SCN3A: variants seen among roughly 807,000 people sequenced by gnomAD.
The protein encoded by SCN3A is sodium channel protein type 3 subunit alpha.
Under a neutral mutation model 187.6 loss-of-function variants are expected in SCN3A, and 60 were observed. That is an observed-to-expected ratio of 0.32 (90% CI 0.26 to 0.40). SCN3A has a LOEUF of 0.40. SCN3A is among the 10% of genes least tolerant of loss of function. SCN3A has a pLI of 1.00. For missense variants in SCN3A, 1,601 were observed against 2,428.2 expected (o/e 0.66, Z 7.16); for synonymous variants, 788 against 829.2 (o/e 0.95, Z 0.85).
intron 2 of SCN3A, among the ~76,000 whole-genome samples, chr2:165,176,880 C>G (rs181542541): frequency 2.0e-5 from 3 of 152,170 alleles, no homozygotes; most frequent in Admixed American, 2.0e-4. Context: ...TCCTGCCCCC[C>G]GCCTTTTCAT....
At chr2:165,203,100 A>G (rs1475672567) in intron 1 of SCN3A, among the ~76,000 whole-genome samples, 2 of 151,964 alleles carry the variant, frequency 1.3e-5, no homozygotes, top group Non-Finnish European at 2.9e-5. Flanking sequence ...ATATATACAG[A>G]AAAACAGCAA....
In SCN3A at chr2:165,090,155, T is replaced by G. The variant is rs1040498167; in HGVS notation, c.5998A>C (p.Lys2000Gln). Residue 2000 changes from lysine to glutamine, a missense_variant, in exon 28 of 28, where the codon AAG (lysine) becomes CAG (glutamine). By Grantham distance (53) the Lys-to-Gln change is moderately conservative. This residue lies in a region of SCN3A where 87 missense variants were observed against 89.2 expected (regional missense o/e 0.98). Transcript: ENST00000283254. The surrounding 1 kb of genome is among the most constrained non-coding windows in gnomAD (Gnocchi z 4.0). The stretch of plus-strand genomic sequence containing the variant: ...AGATAATTCTTTGTTTCTTTTTACT[T>G]TTGATTTTCTCTGACCTCTTTTCCT... Reference protein sequence around the residue: ...SKGKEVRENQK With the variant: ...SKGKEVRENQQ The G allele has an allele frequency of 6.3e-7, 1 of 1,577,430 alleles. No individual in the cohort carries two copies. Among genetic ancestry groups the G allele is most frequent in the African/African-American group, 1.3e-5 (1 of 74,572 alleles).
intron 21 of SCN3A, among the ~76,000 whole-genome samples, chr2:165,110,156 AT>A (rs1686049815): frequency 6.6e-6 from 1 of 152,112 alleles, no homozygotes; most frequent in African/African-American, 2.4e-5. Flanking sequence ...ATCTGCCTTT[AT>A]CTTATCTTTA....
At chr2:165,117,797 TAAA>T (rs1367856249) in intron 18 of SCN3A, among the ~76,000 whole-genome samples, 1 of 152,080 alleles carries the variant, frequency 6.6e-6, no homozygotes, top group African/African-American at 2.4e-5. Flanking sequence ...ATGTTAATAA[TAAA>T]AAAGTAATTA....
intron 11 of SCN3A, among the ~76,000 whole-genome samples, chr2:165,153,987 A>ATTTTTTTTTTTTTTTTTTT (rs71393659): frequency 6.5e-5 from 6 of 92,770 alleles, no homozygotes; most frequent in African/African-American, 2.8e-4. Flanking sequence ...TATAGCAAAC[A>ATTTTTTTTTTTTTTTTTTT]TTTTTTTTTT....
At chr2:165,163,528 A>T in intron 7 of SCN3A, 90 bp downstream of exon 7, 1 of 1,421,306 alleles carries the variant, frequency 7.0e-7, no homozygotes, top group Non-Finnish European at 9.8e-7. Context: ...GAACTGTAAT[A>T]ATAAGCAACA....
At chr2:165,107,446 G>C (rs1383603824) in intron 21 of SCN3A, among the ~76,000 whole-genome samples, 1 of 152,158 alleles carries the variant, frequency 6.6e-6, no homozygotes, top group Non-Finnish European at 1.5e-5. Flanking sequence ...TATATCTAGA[G>C]AGAGAGATCA....
rs189288527 is a variant in SCN3A at position 165,092,573 on chromosome 2, G to T, written c.4537-49C>A. ...AAGGTTACTATATATATTTCATAAAGAATAATGCAGTAAAATTGTAGATAA... is the reference window on the plus strand; with the variant it reads ...AAGGTTACTATATATATTTCATAAATAATAATGCAGTAAAATTGTAGATAA... On this transcript the variant is annotated intron_variant, in intron 26 of 27. Transcript: ENST00000283254. This position sits in a 1 kb window ranked among gnomAD's most constrained non-coding sequence, Gnocchi z 4.2. 421 of 1,542,914 alleles carry T rather than the reference G, an allele frequency of 2.7e-4. 6 individuals are homozygous for T. The East Asian group carries it at 6.9e-3, about 25-fold the overall frequency.
At chr2:165,100,096 G>T (rs1329511979) in intron 22 of SCN3A, among the ~76,000 whole-genome samples, 2 of 152,194 alleles carry the variant, frequency 1.3e-5, no homozygotes, top group African/African-American at 2.4e-5. Context: ...CTGGATGCTA[G>T]TCTCAGTTCT....
intron 1 of SCN3A, among the ~76,000 whole-genome samples, chr2:165,193,513 A>G (rs1299522741): frequency 6.6e-6 from 1 of 152,080 alleles, no homozygotes; most frequent in Non-Finnish European, 1.5e-5. Context: ...CTACCCCAAC[A>G]TCAGCCATAA....
At chr2:165,113,740 G>C in intron 20 of SCN3A, 76 bp downstream of exon 20, 1 of 1,469,256 alleles carries the variant, frequency 6.8e-7, no homozygotes, top group South Asian at 1.1e-5. Context: ...CTGAAGCTCA[G>C]TGTTTGCATC....
intron 9 of SCN3A, among the ~76,000 whole-genome samples, chr2:165,161,959 T>C (rs1689423880): frequency 1.3e-5 from 2 of 152,190 alleles, no homozygotes; most frequent in African/African-American, 2.4e-5. Context: ...TTGATACATA[T>C]GTACACCAAT....
chr2:165,195,604 T>C (rs1691901057), intron 1 of SCN3A: 1 of 152,224 alleles, frequency 6.6e-6, no homozygotes, highest in East Asian at 1.9e-4. Flanking sequence ...AAATTTAGCT[T>C]TCTTGAGGGA....
chr2:165,185,335 A>G (rs1482099838), intron 2 of SCN3A, among the ~76,000 whole-genome samples: 1 of 152,192 alleles, frequency 6.6e-6, no homozygotes, highest in East Asian at 1.9e-4. Context: ...TATTCATTCC[A>G]TTCCAGATGT....
intron 15 of SCN3A, among the ~76,000 whole-genome samples, chr2:165,133,088 T>C (rs1040869144): frequency 6.6e-6 from 1 of 152,238 alleles, no homozygotes; most frequent in Admixed American, 6.5e-5. Flanking sequence ...TGAGATACCA[T>C]CTCACACCAG....
At chr2:165,129,878 C>A in intron 17 of SCN3A, 62 bp downstream of exon 17, 2 of 1,602,312 alleles carry the variant, frequency 1.2e-6, no homozygotes, top group South Asian at 2.2e-5. Context: ...CTACATCTGG[C>A]CACGTTCCTA....
At chr2:165,139,398 G>A (rs905610985) in intron 14 of SCN3A, 78 bp downstream of exon 14, 3 of 1,594,506 alleles carry the variant, frequency 1.9e-6, no homozygotes, top group Non-Finnish European at 2.6e-6. Flanking sequence ...ACAGACTTCA[G>A]TAATTCTATG....
At chr2:165,126,052 A>G (rs542107673) in intron 18 of SCN3A, among the ~76,000 whole-genome samples, 86 of 152,316 alleles carry the variant, frequency 5.6e-4, no homozygotes, top group African/African-American at 1.9e-3. Flanking sequence ...TAAGATTGTC[A>G]GCTACCTATT....
chr2:165,097,462 G>A lies in SCN3A; in HGVS notation c.4029C>T (p.Leu1343=). 1 of 1,614,070 alleles carries A rather than the reference G, an allele frequency of 6.2e-7. No homozygotes were observed. Among genetic ancestry groups the A allele is most frequent in the Non-Finnish European group, 8.5e-7 (1 of 1,179,990 alleles). ...TGATGCTAAAGATCAACCAGAAGAT[G>A]AGACAGACCAACAGCACATTCATGA... ...PSIMNVLLVC[L]IFWLIFSIMG... Residue 1343 remains leucine (L), a synonymous_variant, in exon 23 of 28, where the codon CTC becomes CTT. Coordinates refer to ENST00000283254, the MANE Select transcript of SCN3A (RefSeq NM_006922.4).
Sources: allele counts gnomAD v4.1 joint callset (sites outside exome capture counted in the v4.1 genomes callset), GRCh38; gene constraint gnomAD v4.1.1; regional missense constraint gnomAD v4.1.1; non-coding constraint Gnocchi (gnomAD v3.1); transcripts MANE v1.5; gene names NCBI Gene and HGNC (gene_info 2026-07-23, HGNC 2026-07-21).